Variants in CCDC71L observed in about 807,000 individuals in gnomAD.
CCDC71L encodes the protein coiled-coil domain-containing protein 71L.
Under a neutral mutation model 10.2 loss-of-function variants are expected in CCDC71L, and 6 were observed. The ratio of observed to expected loss-of-function variants is 0.59; its 90% CI spans 0.32 to 1.16. The LOEUF (loss-of-function observed/expected upper bound fraction) is 1.16. Ranked by LOEUF, CCDC71L falls within the 50% of genes most tolerant of loss-of-function variation. The pLI is 0.05. For synonymous variants in CCDC71L, 204 were observed against 175.5 expected (o/e 1.16, Z -1.28); for missense variants, 366 against 383.4 (o/e 0.95, Z 0.38).
In CCDC71L at chr7:106,660,647, G is replaced by A. The variant is rs1286833902; in HGVS notation, c.250C>T (p.Leu84Phe). The A allele has an allele frequency of 1.3e-6, 2 of 1,589,638 alleles. No homozygotes were observed. Among genetic ancestry groups the A allele is most frequent in the African/African-American group, 1.3e-5 (1 of 74,236 alleles). Residue 84 changes from leucine to phenylalanine, a missense_variant, in exon 1 of 1, where the codon CTC (leucine) becomes TTC (phenylalanine). Transcript: ENST00000523505. The surrounding 1 kb of genome is among the most constrained non-coding windows in gnomAD (Gnocchi z 7.5). ...ATGTGCGGGGAGAACTGGTGCTTGA[G>A]GCTGCAGAGGAAGCTCCAGAGCTCC... ...DAELWSFLCS[L>F]KHQFSPHILR...
At position 106,658,697 on chromosome 7, in the gene CCDC71L, A is replaced by AAAT. The variant is rs1562907881; in HGVS notation, c.*1491_*1492insATT. On this transcript the variant is annotated 3_prime_UTR_variant, in exon 1 of 1. Coordinates refer to ENST00000523505, the MANE Select transcript of CCDC71L (RefSeq NM_175884.6). ...GCTGGCTGTGGCACTGCTGGCTAAA[A>AAAT]ACTATTAAGTTTTCCTGCCACAAAT... 1 of 152,636 alleles carries AAAT rather than the reference A, an allele frequency of 6.6e-6. No homozygotes were observed. The highest frequency in any genetic ancestry group is 1.5e-5 in the Non-Finnish European group (1 of 68,030). The allele number at this position is 152,636 out of a possible 1,614,324, so 9.5% of individuals were successfully genotyped here.
rs753775078 is a variant in CCDC71L at position 106,660,733 on chromosome 7, G to A, written c.164C>T (p.Ala55Val). ...GAAGAGCTTGAAGGCGTCGCCCAGC[G>A]CCTTGGTGCTGTCAGCCAGCGACAG... Reference protein sequence around the residue: ...SQLSLADSTKALGDAFKLFMP... With the variant: ...SQLSLADSTKVLGDAFKLFMP... The change falls in exon 1 of 1, where the codon GCG (alanine) becomes GTG (valine). Residue 55 changes from alanine (A) to valine (V), a missense_variant. Coordinates refer to ENST00000523505, the MANE Select transcript of CCDC71L (RefSeq NM_175884.6). The surrounding 1 kb of genome is among the most constrained non-coding windows in gnomAD (Gnocchi z 7.5). The A allele has an allele frequency of 2.5e-6, 4 of 1,572,378 alleles. No homozygotes were observed. Among genetic ancestry groups the A allele is most frequent in the South Asian group, 1.2e-5 (1 of 85,540 alleles).
In CCDC71L at chr7:106,661,028, TC is replaced by T. The variant is rs1472252881; in HGVS notation, c.-133del. On this transcript the variant is annotated 5_prime_UTR_variant, in exon 1 of 1. The change abolishes the stop of an existing upstream ORF in the 5' untranslated region. Transcript: ENST00000523505. ...CTTTTCTCGCCTCCGCCGCCGCCCC[TC>T]CCCCTCCGAGGGCGGAGGACGCGGG... 4 of 1,205,720 alleles carry T rather than the reference TC, an allele frequency of 3.3e-6. No individual in the cohort carries two copies. The highest frequency in any genetic ancestry group is 2.1e-6 in the Non-Finnish European group (2 of 945,928). The allele number at this position is 1,205,720 out of a possible 1,614,324, so 74.7% of individuals were successfully genotyped here.
Position 106,656,798 on chromosome 7 carries a change from A to C in CCDC71L, c.*3391T>G, listed in dbSNP as rs1010199795. 3.3e-5 allele frequency: 5 copies of C among 152,252 alleles called. No homozygotes were observed. The allele number at this position is 152,252 out of a possible 1,614,324, so 9.4% of individuals were successfully genotyped here. A position where few individuals can be genotyped will look rare whatever the true frequency, so the allele number is the denominator to read the frequency against. On this transcript the variant is annotated 3_prime_UTR_variant, in exon 1 of 1. Transcript: ENST00000523505. ...CTCTAAAATTTATTTACAGTTAATA[A>C]GTTAAAAAGCAAAGTACAAGCAGAT... is the stretch of plus-strand genomic sequence containing the variant.
At position 106,660,901 on chromosome 7, in the gene CCDC71L, G is replaced by A. The variant is rs1792586566; in HGVS notation, c.-5C>T. The A allele has an allele frequency of 7.3e-7, 1 of 1,367,660 alleles. No homozygotes were observed. 84.7% of individuals were successfully genotyped at this position (1,367,660 alleles called of 1,614,324 possible). A position where few individuals can be genotyped will look rare whatever the true frequency, so the allele number is the denominator to read the frequency against. On this transcript the variant is annotated 5_prime_UTR_variant, in exon 1 of 1. Transcript: ENST00000523505. The surrounding 1 kb of genome is among the most constrained non-coding windows in gnomAD (Gnocchi z 7.5). ...CCTCTTCATACTGCGCCGCATCGAA[G>A]GCCGCTCCGGGCCACTCACGCTCGC...
In CCDC71L at chr7:106,656,157, T is replaced by C. The variant is rs1226365049; in HGVS notation, c.*4032A>G. On this transcript the variant is annotated 3_prime_UTR_variant, in exon 1 of 1. Coordinates refer to ENST00000523505, the MANE Select transcript of CCDC71L (RefSeq NM_175884.6). Reference sequence around the variant, plus strand: ...TCAACACTTGCAAGTCACAAAGGTATGCATAATAATTCCACCCCAGGCACT... The same window carrying C: ...TCAACACTTGCAAGTCACAAAGGTACGCATAATAATTCCACCCCAGGCACT... Among the ~76,000 whole-genome samples the C allele has an allele frequency of 1.3e-5, 2 of 152,182 alleles. No homozygotes were observed. The highest frequency in any genetic ancestry group is 2.9e-5 in the Non-Finnish European group (2 of 68,012).
In CCDC71L at chr7:106,660,819, C is replaced by T; in HGVS notation, c.78G>A (p.Arg26=). 6.5e-7 allele frequency: 1 copy of T among 1,534,436 alleles called. No individual in the cohort carries two copies. Among genetic ancestry groups the T allele is most frequent in the Non-Finnish European group, 8.8e-7 (1 of 1,140,638 alleles). The change falls in exon 1 of 1, where the codon AGG becomes AGA. Residue 26 remains arginine (R), a synonymous_variant. Transcript: ENST00000523505. The surrounding 1 kb of genome is among the most constrained non-coding windows in gnomAD (Gnocchi z 7.5). ...CCTCCAACCCAGCCCCGTCTTCTGC[C>T]CTAAAGTCGCCGCCCCGGGCGGCCG... ...PATAARGGDF[R]AEDGAGLEAR... is the part of the protein sequence containing the mutation.
At position 106,660,513 on chromosome 7, in the gene CCDC71L, TGCGCGCGGAACCGGCCGGC is replaced by T. The variant is rs887291253; in HGVS notation, c.365_383del (p.Arg122GlnfsTer61). Reference sequence around the variant, plus strand: ...CTCCGCGGCGCCTCCTCCTGGCCGCTGCGCGCGGAACCGGCCGGCGCGCCTGGCCGCGGGCTGTAGGGGG... The same window carrying T: ...CTCCGCGGCGCCTCCTCCTGGCCGCTGCGCCTGGCCGCGGGCTGTAGGGGG... On this transcript the variant is annotated frameshift_variant, in exon 1 of 1. Transcript: ENST00000523505. LOFTEE classifies it high-confidence loss of function. This position sits in a 1 kb window ranked among gnomAD's most constrained non-coding sequence, Gnocchi z 7.5. 7.3e-7 allele frequency: 1 copy of T among 1,362,280 alleles called. No homozygotes were observed. Among genetic ancestry groups the T allele is most frequent in the Non-Finnish European group, 9.5e-7 (1 of 1,054,210 alleles). The allele number at this position is 1,362,280 out of a possible 1,614,324, so 84.4% of individuals were successfully genotyped here.
chr7:106,660,842 C>A lies in CCDC71L; in HGVS notation c.55G>T (p.Ala19Ser), dbSNP rs1219685849. ...GCCCTAAAGTCGCCGCCCCGGGCGG[C>A]CGTGGCCGGGGCGACCGGGCGCCGG... ...RRRRPVAPAT[A>S]ARGGDFRAED... The change falls in exon 1 of 1, where the codon GCC (alanine) becomes TCC (serine). Residue 19 changes from alanine (A) to serine (S), a missense_variant. Physicochemically the swap from Ala to Ser is moderately conservative, Grantham distance 99. Transcript: ENST00000523505. This position sits in a 1 kb window ranked among gnomAD's most constrained non-coding sequence, Gnocchi z 7.5. 17 of 1,507,958 alleles carry A rather than the reference C, an allele frequency of 1.1e-5. No individual in the cohort carries two copies. Among genetic ancestry groups the A allele is most frequent in the Non-Finnish European group, 1.4e-5 (16 of 1,131,672 alleles). 93.4% of individuals were successfully genotyped at this position (1,507,958 alleles called of 1,614,324 possible). A position where few individuals can be genotyped will look rare whatever the true frequency, so the allele number is the denominator to read the frequency against.
chr7:106,660,234 C>G lies in CCDC71L; in HGVS notation c.663G>C (p.Leu221=), dbSNP rs768443347. ...AGCGGCGGAGCCTCACCATGGGTTC[C>G]AGGTTCACTCGCAGGACCTGGCGCG... ...RRARQVLRVN[L]EPMVRLRRFP... is the part of the protein sequence containing the mutation. Residue 221 remains leucine, a synonymous_variant, in exon 1 of 1, where the codon CTG becomes CTC. Coordinates refer to ENST00000523505, the MANE Select transcript of CCDC71L (RefSeq NM_175884.6). This position sits in a 1 kb window ranked among gnomAD's most constrained non-coding sequence, Gnocchi z 7.5. 6.3e-7 allele frequency: 1 copy of G among 1,578,096 alleles called. No individual in the cohort carries two copies. Among genetic ancestry groups the G allele is most frequent in the South Asian group, 1.1e-5 (1 of 89,462 alleles).
rs918313240 is a variant in CCDC71L at position 106,656,971 on chromosome 7, T to A, written c.*3218A>T. The A allele has an allele frequency of 2.0e-5, 3 of 152,316 alleles. No individual in the cohort carries two copies. Among genetic ancestry groups the A allele is most frequent in the African/African-American group, 7.2e-5 (3 of 41,576 alleles). 9.4% of individuals were successfully genotyped at this position (152,316 alleles called of 1,614,324 possible). A position where few individuals can be genotyped will look rare whatever the true frequency, so the allele number is the denominator to read the frequency against. On this transcript the variant is annotated 3_prime_UTR_variant, in exon 1 of 1. Coordinates refer to ENST00000523505, the MANE Select transcript of CCDC71L (RefSeq NM_175884.6). ...ATAAATATTAGGCATGTATGTCCAT[T>A]AAAAACCATTAAAGAGTCCTGTGGC... is the stretch of plus-strand genomic sequence containing the variant.
In CCDC71L at chr7:106,660,561, C is replaced by CG; in HGVS notation, c.335dup (p.Pro114AlafsTer220). 4 of 1,528,706 alleles carry CG rather than the reference C, an allele frequency of 2.6e-6. No individual in the cohort carries two copies. The highest frequency in any genetic ancestry group is 2.0e-5 in the Admixed American group (1 of 49,372). 94.7% of individuals were successfully genotyped at this position (1,528,706 alleles called of 1,614,324 possible). On this transcript the variant is annotated frameshift_variant, in exon 1 of 1. Transcript: ENST00000523505. LOFTEE classifies it high-confidence loss of function. The surrounding 1 kb of genome is among the most constrained non-coding windows in gnomAD (Gnocchi z 7.5). ...CCTGGCCGCGGGCTGTAGGGGGCCCCGGGGGGTCGGGTACCAGGGCCCGGC... is the reference window on the plus strand; with the variant it reads ...CCTGGCCGCGGGCTGTAGGGGGCCCCGGGGGGGTCGGGTACCAGGGCCCGGC...
rs577533325 is a variant in CCDC71L, at chr7:106,661,091, C to T, written c.-195G>A. On this transcript the variant is annotated 5_prime_UTR_variant, in exon 1 of 1. Coordinates refer to ENST00000523505, the MANE Select transcript of CCDC71L (RefSeq NM_175884.6). Reference sequence around the variant, plus strand: ...CTGCCCGGTACAAGATGGCGGCCGGCGCCCACCCCTGGGCTTTGTCATTGG... The same window carrying T: ...CTGCCCGGTACAAGATGGCGGCCGGTGCCCACCCCTGGGCTTTGTCATTGG... The T allele has an allele frequency of 6.8e-6, 5 of 735,450 alleles. No homozygotes were observed. The highest frequency in any genetic ancestry group is 7.2e-5 in the East Asian group (2 of 27,940). 45.6% of individuals were successfully genotyped at this position (735,450 alleles called of 1,614,324 possible).
rs1188577428 is a variant in CCDC71L at position 106,659,548 on chromosome 7, A to G, written c.*641T>C. ...TGTATTTTGCATGTCTTTGTTTGTA[A>G]TCACTGAGCCCATACAAATCCTTGC... is the stretch of plus-strand genomic sequence containing the variant. On this transcript the variant is annotated 3_prime_UTR_variant, in exon 1 of 1. Transcript: ENST00000523505. 1 of 152,614 alleles carries G rather than the reference A, an allele frequency of 6.6e-6. No individual in the cohort carries two copies. The highest frequency in any genetic ancestry group is 1.5e-5 in the Non-Finnish European group (1 of 68,026). 9.5% of individuals were successfully genotyped at this position (152,614 alleles called of 1,614,324 possible).
rs1363983011 is a variant in CCDC71L, at chr7:106,656,312, G to A, written c.*3877C>T. 6.6e-6 allele frequency among the ~76,000 whole-genome samples: 1 copy of A among 152,054 alleles called. No homozygotes were observed. Among genetic ancestry groups the A allele is most frequent in the Non-Finnish European group, 1.5e-5 (1 of 67,998 alleles). ...TGCTGTTCACTAATACTCCACTTCT[G>A]CCTTCTAGACTCTAATGAAAATTCT... On this transcript the variant is annotated 3_prime_UTR_variant, in exon 1 of 1. Coordinates refer to ENST00000523505, the MANE Select transcript of CCDC71L (RefSeq NM_175884.6).
At position 106,655,650 on chromosome 7, in the gene CCDC71L, T is replaced by C. The variant is rs1411715285; in HGVS notation, c.*4539A>G. Among the ~76,000 whole-genome samples, 1 of 152,182 alleles carries C rather than the reference T, an allele frequency of 6.6e-6. No individual in the cohort carries two copies. The highest frequency in any genetic ancestry group is 1.5e-5 in the Non-Finnish European group (1 of 68,012). Reference sequence around the variant, plus strand: ...TCTATTACTGTTATAAATTCTCAGATAGTTTAAAACACATAACAGTACATT... The same window carrying C: ...TCTATTACTGTTATAAATTCTCAGACAGTTTAAAACACATAACAGTACATT... On this transcript the variant is annotated 3_prime_UTR_variant, in exon 1 of 1. Coordinates refer to ENST00000523505, the MANE Select transcript of CCDC71L (RefSeq NM_175884.6).
In CCDC71L at chr7:106,654,989, G is replaced by A. The variant is rs975625338; in HGVS notation, c.*5200C>T. ...ATTTAACTTTTCTATGAATGCTTTCGGAAGCTAAATAAGTCCAGTTTTGGA... is the reference window on the plus strand; with the variant it reads ...ATTTAACTTTTCTATGAATGCTTTCAGAAGCTAAATAAGTCCAGTTTTGGA... On this transcript the variant is annotated 3_prime_UTR_variant, in exon 1 of 1. Transcript: ENST00000523505. Among the ~76,000 whole-genome samples, 5 of 151,794 alleles carry A rather than the reference G, an allele frequency of 3.3e-5. No homozygotes were observed. The highest frequency in any genetic ancestry group is 7.4e-5 in the Non-Finnish European group (5 of 67,916).
chr7:106,655,152 A>C lies in CCDC71L; in HGVS notation c.*5037T>G, dbSNP rs1439397440. On this transcript the variant is annotated 3_prime_UTR_variant, in exon 1 of 1. Transcript: ENST00000523505. Reference sequence around the variant, plus strand: ...TTAGAATGACATTTACCAAGACACAAGAGAGTGATGACAGTGAGAAGTCAT... The same window carrying C: ...TTAGAATGACATTTACCAAGACACACGAGAGTGATGACAGTGAGAAGTCAT... Among the ~76,000 whole-genome samples, 4 of 152,176 alleles carry C rather than the reference A, an allele frequency of 2.6e-5. No homozygotes were observed.
rs1478932711 is a variant in CCDC71L, at chr7:106,655,025, T to C, written c.*5164A>G. 6.6e-6 allele frequency among the ~76,000 whole-genome samples: 1 copy of C among 152,170 alleles called. No individual in the cohort carries two copies. Among genetic ancestry groups the C allele is most frequent in the East Asian group, 1.9e-4 (1 of 5,198 alleles). The stretch of plus-strand genomic sequence containing the variant: ...AAGTCCAGTTTTGGATTCAGTAGAC[T>C]ACTTATTCAAATTTTCTGGGCTAAA... On this transcript the variant is annotated 3_prime_UTR_variant, in exon 1 of 1. Transcript: ENST00000523505.
Sources: gnomAD v4.1 joint callset for allele counts (sites outside exome capture counted in the v4.1 genomes callset) on GRCh38, gnomAD v4.1.1 for gene constraint, Gnocchi (gnomAD v3.1) non-coding constraint, MANE v1.5 for transcripts, NCBI Gene and HGNC (gene_info 2026-07-23, HGNC 2026-07-21) for gene names.